Variants in SLC15A4 observed in about 807,000 individuals in gnomAD.
SLC15A4 encodes solute carrier family 15 member 4.
In SLC15A4, 26 loss-of-function variants were observed where a neutral mutation model predicts 46.1. The observed-to-expected ratio is 0.56, with a 90% CI of 0.41 to 0.78. SLC15A4 has a LOEUF of 0.78. Ranked by LOEUF, SLC15A4 falls within the 30% of genes least tolerant of loss-of-function variation. The probability of loss-of-function intolerance (pLI) is 0.00; values close to 1 mark genes in which losing one functional copy is unlikely to be tolerated. For missense variants in SLC15A4, 751 were observed against 755.7 expected (o/e 0.99, Z 0.07); for synonymous variants, 370 against 333.4 (o/e 1.11, Z -1.20).
At chr12:128,805,946 C>T (rs895882887) in intron 5 of SLC15A4, among the ~76,000 whole-genome samples, 1 of 151,962 alleles carries the variant, frequency 6.6e-6, no homozygotes, top group African/African-American at 2.4e-5. Context: ...CTTTGGGAGG[C>T]TGAGGTGGGC....
At chr12:128,799,886 G>A (rs1388317289) in intron 6 of SLC15A4, among the ~76,000 whole-genome samples, 1 of 152,104 alleles carries the variant, frequency 6.6e-6, no homozygotes, top group Non-Finnish European at 1.5e-5. Flanking sequence ...TTGTTGCCCA[G>A]GCTGGAGTGC....
At chr12:128,796,380 G>A (rs1318025357) in intron 7 of SLC15A4, among the ~76,000 whole-genome samples, 5 of 125,928 alleles carry the variant, frequency 4.0e-5, no homozygotes, top group African/African-American at 9.4e-5. Flanking sequence ...AGTGAGCCAA[G>A]ATGGTACCAC....
intron 1 of SLC15A4, among the ~76,000 whole-genome samples, chr12:128,823,191 G>C (rs191430186): frequency 6.6e-6 from 1 of 151,896 alleles, no homozygotes; most frequent in Non-Finnish European, 1.5e-5. Flanking sequence ...ACCTCACCCC[G>C]CCCCAGGCAA....
intron 7 of SLC15A4, among the ~76,000 whole-genome samples, chr12:128,797,645 G>A (rs1386473840): frequency 6.6e-6 from 1 of 152,188 alleles, no homozygotes; most frequent in Admixed American, 6.5e-5. Context: ...TTCCTGTGTC[G>A]GTCACGAGAT....
chr12:128,818,119 A>G (rs762576432), intron 1 of SLC15A4, among the ~76,000 whole-genome samples: 3 of 152,124 alleles, frequency 2.0e-5, no homozygotes, highest in Admixed American at 1.3e-4. Context: ...CATCTGTAAC[A>G]TAAGATTTTC....
In SLC15A4 at chr12:128,808,970, C is replaced by T. The variant is rs377743017; in HGVS notation, c.1090-14G>A. The T allele has an allele frequency of 2.3e-5, 37 of 1,607,760 alleles. No individual in the cohort carries two copies. In the African/African-American group the frequency reaches 4.8e-4, roughly 21 times the overall value. On this transcript the variant is annotated splice_polypyrimidine_tract_variant and intron_variant, in intron 4 of 7. Transcript: ENST00000266771. ...GGCTGCAGGGAGCTGGGGTGAAACA[C>T]AGGAGGAGGCGTTTACTCCCCGCAA...
chr12:128,810,694 G>A (rs556930780), intron 2 of SLC15A4, among the ~76,000 whole-genome samples: 11 of 152,278 alleles, frequency 7.2e-5, no homozygotes, highest in African/African-American at 2.4e-4. Flanking sequence ...GCTGTTGGGG[G>A]AGGGCGGTGC....
chr12:128,802,861 G>A (rs1325288868), intron 5 of SLC15A4, among the ~76,000 whole-genome samples: 3 of 152,236 alleles, frequency 2.0e-5, no homozygotes, highest in Non-Finnish European at 2.9e-5. Context: ...GCTGTTGGCA[G>A]AGAGATGAGC....
At chr12:128,810,570 C>T (rs951264427) in intron 2 of SLC15A4, among the ~76,000 whole-genome samples, 1 of 152,146 alleles carries the variant, frequency 6.6e-6, no homozygotes. Flanking sequence ...CAAGACCTGA[C>T]AGCCAATACC....
chr12:128,796,909 C>T (rs537751583), intron 7 of SLC15A4, among the ~76,000 whole-genome samples: 4 of 151,988 alleles, frequency 2.6e-5, no homozygotes, highest in South Asian at 4.2e-4. Context: ...CGCGGCCCTG[C>T]GGGAGTGGAG....
Position 128,820,668 on chromosome 12 carries a change from G to GTGTAGACA in SLC15A4, c.546+2722_546+2729dup, listed in dbSNP as rs1188861405. Among the ~76,000 whole-genome samples, 4 of 148,912 alleles carry GTGTAGACA rather than the reference G, an allele frequency of 2.7e-5. No homozygotes were observed. The South Asian group carries it at 6.4e-4, about 24-fold the overall frequency. On this transcript the variant is annotated intron_variant, in intron 1 of 7. Transcript: ENST00000266771. Reference sequence around the variant, plus strand: ...TACGTGTCATGTAGACTAAGTAGTCGTGTAGACATGTAGACATGTAGCATA... The same window carrying GTGTAGACA: ...TACGTGTCATGTAGACTAAGTAGTCGTGTAGACATGTAGACATGTAGACATGTAGCATA...
chr12:128,799,192 A>G, intron 7 of SLC15A4, 67 bp downstream of exon 7: 2 of 1,576,122 alleles, frequency 1.3e-6, no homozygotes, highest in Middle Eastern at 1.8e-4. Flanking sequence ...TCACTCAGCC[A>G]TCTCCTGAGT....
At chr12:128,803,281 A>T (rs1955539084) in intron 5 of SLC15A4, among the ~76,000 whole-genome samples, 1 of 152,250 alleles carries the variant, frequency 6.6e-6, no homozygotes, top group Non-Finnish European at 1.5e-5. Flanking sequence ...TCAGACAAAC[A>T]ATCATAAAGG....
chr12:128,818,185 G>C (rs1426337871), intron 1 of SLC15A4, among the ~76,000 whole-genome samples: 2 of 151,784 alleles, frequency 1.3e-5, no homozygotes. Flanking sequence ...TGTGACCTTT[G>C]AAAAAGGTGA....
chr12:128,816,295 T>C (rs1429840596), intron 1 of SLC15A4, among the ~76,000 whole-genome samples: 1 of 152,246 alleles, frequency 6.6e-6, no homozygotes, highest in East Asian at 1.9e-4. Flanking sequence ...AAATGAACCC[T>C]GTACTAGACA....
At chr12:128,801,240 C>A in intron 5 of SLC15A4, 1 of 402,628 alleles carries the variant, frequency 2.5e-6, no homozygotes, top group East Asian at 4.1e-5. Flanking sequence ...CTTTTTACAG[C>A]ATCTTATATA....
chr12:128,807,879 C>G (rs1200435531), intron 5 of SLC15A4, among the ~76,000 whole-genome samples: 1 of 152,054 alleles, frequency 6.6e-6, no homozygotes, highest in Non-Finnish European at 1.5e-5. Context: ...GGACTAATTT[C>G]TTTAAATCTA....
intron 4 of SLC15A4, chr12:128,809,192 T>C: frequency 1.7e-6 from 1 of 592,032 alleles, no homozygotes; most frequent in Non-Finnish European, 2.9e-6. Flanking sequence ...TAAGTAATGT[T>C]GAATTGATGT....
intron 1 of SLC15A4, among the ~76,000 whole-genome samples, chr12:128,822,154 C>T (rs1296805362): frequency 6.6e-6 from 1 of 152,152 alleles, no homozygotes. Flanking sequence ...CTCTTAAAGG[C>T]GGCCTATTCT....
Sources: allele counts gnomAD v4.1 joint callset (sites outside exome capture counted in the v4.1 genomes callset), GRCh38; gene constraint gnomAD v4.1.1; transcripts MANE v1.5; gene names NCBI Gene and HGNC (gene_info 2026-07-23, HGNC 2026-07-21).